DISC1: variants seen among roughly 807,000 people sequenced by gnomAD.
DISC1 encodes DISC1 scaffold protein.
Under a neutral mutation model 84.5 loss-of-function variants are expected in DISC1, and 57 were observed. The observed-to-expected ratio is 0.67, with a 90% CI of 0.55 to 0.84. DISC1 has a LOEUF of 0.84. Ranked by LOEUF, DISC1 falls within the 40% of genes least tolerant of loss-of-function variation. The probability of loss-of-function intolerance (pLI) is 0.00; values close to 1 mark genes in which losing one functional copy is unlikely to be tolerated. For synonymous variants in DISC1, 411 were observed against 415.2 expected (o/e 0.99, Z 0.12); for missense variants, 1,000 against 1,057.8 (o/e 0.95, Z 0.76).
intron 1 of DISC1, among the ~76,000 whole-genome samples, chr1:231,686,745 T>G (rs2064326717): frequency 1.3e-5 from 2 of 152,234 alleles, no homozygotes; most frequent in Non-Finnish European, 2.9e-5. Flanking sequence ...AATGGGTTTT[T>G]CTTTTCTGTC....
intron 9 of DISC1, among the ~76,000 whole-genome samples, chr1:231,931,146 G>T (rs1349197430): frequency 6.6e-6 from 1 of 152,142 alleles, no homozygotes; most frequent in Non-Finnish European, 1.5e-5. Context: ...AGGAGATGGA[G>T]GTAGTTCTTA....
At chr1:231,708,738 A>G (rs2067419972) in intron 3 of DISC1, among the ~76,000 whole-genome samples, 1 of 152,224 alleles carries the variant, frequency 6.6e-6, no homozygotes, top group Non-Finnish European at 1.5e-5. Flanking sequence ...CCACTGTGGA[A>G]GACTGAGCTT....
intron 12 of DISC1, among the ~76,000 whole-genome samples, chr1:232,034,025 G>A (rs1175784666): frequency 6.6e-6 from 1 of 151,774 alleles, no homozygotes; most frequent in African/African-American, 2.4e-5. Context: ...TTTTTCTGGG[G>A]ACTTTTCCAT....
intron 3 of DISC1, among the ~76,000 whole-genome samples, chr1:231,744,267 C>T (rs2073704305): frequency 1.3e-5 from 2 of 152,130 alleles, no homozygotes; most frequent in African/African-American, 4.8e-5. Context: ...GTTGAGCTGC[C>T]TTGGGCCCAC....
At chr1:232,015,850 C>T (rs910820294) in intron 11 of DISC1, among the ~76,000 whole-genome samples, 1 of 152,176 alleles carries the variant, frequency 6.6e-6, no homozygotes, top group Non-Finnish European at 1.5e-5. Context: ...TCCACACCCC[C>T]TCCTCCACCC....
At chr1:231,791,031 A>AC (rs1183192710) in intron 6 of DISC1, among the ~76,000 whole-genome samples, 1 of 151,886 alleles carries the variant, frequency 6.6e-6, no homozygotes, top group Non-Finnish European at 1.5e-5. Context: ...TGCCACAGCC[A>AC]CCCCCCAGGC....
intron 9 of DISC1, among the ~76,000 whole-genome samples, chr1:231,835,407 G>C (rs2082558106): frequency 6.6e-6 from 1 of 152,190 alleles, no homozygotes; most frequent in East Asian, 1.9e-4. Context: ...ACAGTCAAAG[G>C]GGGGTTGTTC....
At chr1:231,658,494 G>A (rs1214103081) in intron 1 of DISC1, among the ~76,000 whole-genome samples, 1 of 152,080 alleles carries the variant, frequency 6.6e-6, no homozygotes, top group Non-Finnish European at 1.5e-5. Flanking sequence ...TGATTGCCCT[G>A]GCCAGAACTT....
At chr1:231,648,439 G>A (rs1228924191) in intron 1 of DISC1, among the ~76,000 whole-genome samples, 1 of 152,190 alleles carries the variant, frequency 6.6e-6, no homozygotes, top group African/African-American at 2.4e-5. Flanking sequence ...GCTTTTTGAT[G>A]TGCTGCTGGA....
chr1:231,810,676 C>G (rs574235680), intron 8 of DISC1, among the ~76,000 whole-genome samples: 1 of 152,054 alleles, frequency 6.6e-6, no homozygotes, highest in Non-Finnish European at 1.5e-5. Flanking sequence ...GTTATCAATG[C>G]GGGGAAGCTG....
chr1:231,864,622 C>T (rs975083151), intron 9 of DISC1, among the ~76,000 whole-genome samples: 1 of 152,134 alleles, frequency 6.6e-6, no homozygotes, highest in African/African-American at 2.4e-5. Context: ...AAGATCGCAC[C>T]ACTGCACTCC....
chr1:231,976,323 C>T (rs537610759), intron 10 of DISC1, among the ~76,000 whole-genome samples: 7 of 152,246 alleles, frequency 4.6e-5, no homozygotes, highest in South Asian at 2.1e-4. Flanking sequence ...CTTTAAGCCC[C>T]GCTAGGGATC....
chr1:232,011,394 G>C lies in DISC1; in HGVS notation c.2307+2345G>C, dbSNP rs146554361. Among the ~76,000 whole-genome samples the C allele has an allele frequency of 3.6e-3, 542 of 152,248 alleles. 5 individuals carry two copies. The highest frequency in any genetic ancestry group is 0.011 in the African/African-American group (470 of 41,538). ...ACATTTATTTGTTGCTTTCTTGGGG[G>C]TGAGTGGGTGCTTTAGAGGGGACCT... On this transcript the variant is annotated intron_variant, in intron 11 of 12. Coordinates refer to ENST00000439617, the MANE Select transcript of DISC1 (RefSeq NM_018662.3).
At chr1:231,628,790 G>A (rs2058468526) in intron 1 of DISC1, among the ~76,000 whole-genome samples, 1 of 152,178 alleles carries the variant, frequency 6.6e-6, no homozygotes. Context: ...CACCCAGGAT[G>A]GAGTGCAGTG....
intron 4 of DISC1, among the ~76,000 whole-genome samples, chr1:231,758,321 G>T (rs2075337325): frequency 6.6e-6 from 1 of 152,062 alleles, no homozygotes; most frequent in Non-Finnish European, 1.5e-5. Flanking sequence ...CTTCCTTCTT[G>T]CAGGGCACCC....
chr1:232,022,532 T>C (rs1669054917), intron 11 of DISC1, among the ~76,000 whole-genome samples: 1 of 152,106 alleles, frequency 6.6e-6, no homozygotes, highest in African/African-American at 2.4e-5. Flanking sequence ...GGTCTCGATC[T>C]CTTGACCTTG....
At chr1:231,917,183 T>C (rs945626698) in intron 9 of DISC1, among the ~76,000 whole-genome samples, 5 of 152,196 alleles carry the variant, frequency 3.3e-5, no homozygotes, top group Non-Finnish European at 7.3e-5. Context: ...CAATGCTCCT[T>C]CCACTTCCTG....
At chr1:231,661,605 G>T (rs1026161902) in intron 1 of DISC1, among the ~76,000 whole-genome samples, 1 of 152,188 alleles carries the variant, frequency 6.6e-6, no homozygotes, top group Non-Finnish European at 1.5e-5. Context: ...GCTTGGTTAT[G>T]TTCCTCTCTA....
chr1:231,840,768 C>A (rs894003519), intron 9 of DISC1, among the ~76,000 whole-genome samples: 5 of 151,466 alleles, frequency 3.3e-5, no homozygotes, highest in Non-Finnish European at 7.4e-5. Context: ...AGTGCAGTGG[C>A]GCGATCTCAG....
Sources: allele counts gnomAD v4.1 joint callset (sites outside exome capture counted in the v4.1 genomes callset), GRCh38; gene constraint gnomAD v4.1.1; transcripts MANE v1.5; gene names NCBI Gene and HGNC (gene_info 2026-07-23, HGNC 2026-07-21).